The following GRIN2B variants were observed in gnomAD, a reference collection of about 807,000 sequenced individuals.
The protein encoded by GRIN2B is glutamate receptor ionotropic, NMDA 2B.
In GRIN2B, 5 loss-of-function variants were observed where a neutral mutation model predicts 114.5. The observed-to-expected ratio is 0.04, with a 90% CI of 0.02 to 0.09. The LOEUF is 0.09. GRIN2B is among the 10% of genes least tolerant of loss of function. GRIN2B has a pLI of 1.00. For synonymous variants in GRIN2B, 787 were observed against 745.1 expected, an observed-to-expected ratio of 1.06 and a Z score of -0.92; for missense variants, 1,108 against 1,943.5, an observed-to-expected ratio of 0.57 and a Z score of 8.08.
intron 2 of GRIN2B, among the ~76,000 whole-genome samples, chr12:13,971,326 T>C (rs1862908100): frequency 6.6e-6 from 1 of 152,244 alleles, no homozygotes. Context: ...TTCATAAATC[T>C]GGGTTTTTTC....
At chr12:13,795,219 T>C (rs1864396833) in intron 3 of GRIN2B, among the ~76,000 whole-genome samples, 1 of 152,176 alleles carries the variant, frequency 6.6e-6, no homozygotes, top group East Asian at 1.9e-4. Context: ...CAACATTTAG[T>C]GGATAATAAG....
chr12:13,607,256 TTATATATAA>T (rs1949272163), intron 10 of GRIN2B, among the ~76,000 whole-genome samples: 7 of 70,660 alleles, frequency 9.9e-5, no homozygotes, highest in African/African-American at 4.6e-4. Context: ...AAAATATATA[TTATATATAA>T]TATATAAAAT....
At chr12:13,711,334 T>C (rs1383513793) in intron 4 of GRIN2B, among the ~76,000 whole-genome samples, 1 of 152,078 alleles carries the variant, frequency 6.6e-6, no homozygotes, top group Non-Finnish European at 1.5e-5. Flanking sequence ...ACTTCATGTC[T>C]AAAACACCAA....
rs557718480 is a variant in GRIN2B, at chr12:13,576,528, C to A, written c.2011-4564G>T. On this transcript the variant is annotated intron_variant, in intron 10 of 13. Transcript: ENST00000609686. ...TCAAAGTAGGGAAATGTGTATAGTA[C>A]TCTTTATTTTCTTTTTTCTTTTTTC... Among the ~76,000 whole-genome samples the A allele has an allele frequency of 6.0e-5, 9 of 150,950 alleles. No homozygotes were observed. In the East Asian group the frequency reaches 1.8e-3, roughly 30 times the overall value.
intron 4 of GRIN2B, among the ~76,000 whole-genome samples, chr12:13,719,521 C>G (rs1950489129): frequency 6.6e-6 from 1 of 151,944 alleles, no homozygotes; most frequent in South Asian, 2.1e-4. Flanking sequence ...ATGGTGGTAA[C>G]ACTGATTACC....
rs201459960 is a variant in GRIN2B, at chr12:13,758,297, C to CT, written c.412-4383dup. 3.3e-5 allele frequency among the ~76,000 whole-genome samples: 5 copies of CT among 152,308 alleles called. No individual in the cohort carries two copies. In the East Asian group the frequency reaches 7.7e-4, roughly 24 times the overall value. On this transcript the variant is annotated intron_variant, in intron 3 of 13. Coordinates refer to ENST00000609686, the MANE Select transcript of GRIN2B (RefSeq NM_000834.5). ...TCAAAAGCACCCCCTAATAAACCCC[C>CT]TGCACACTAACCTCAGGCTCAGAGT...
chr12:13,853,234 A>G (rs987682018), intron 3 of GRIN2B, among the ~76,000 whole-genome samples: 2 of 152,200 alleles, frequency 1.3e-5, no homozygotes, highest in Non-Finnish European at 2.9e-5. Flanking sequence ...CTGTCAGTCA[A>G]TGCTCCATGA....
At chr12:13,575,673 C>A (rs11055529) in intron 10 of GRIN2B, among the ~76,000 whole-genome samples, 1 of 147,640 alleles carries the variant, frequency 6.8e-6, no homozygotes, top group Non-Finnish European at 1.5e-5. Flanking sequence ...ATGATAACAA[C>A]AATAATAATA....
rs1425325795 is a variant in GRIN2B, at chr12:13,547,979, A to ATTTTTTTTTTTTTTT, written c.*14803_*14804insAAAAAAAAAAAAAAA. On this transcript the variant is annotated 3_prime_UTR_variant, in exon 14 of 14. Transcript: ENST00000609686. ...TGTGTGTATATATATATATATATAT[A>ATTTTTTTTTTTTTTT]TATTTTTTTTTTTTTTCTGAAAGCT... 1.7e-5 allele frequency: 1 copy of ATTTTTTTTTTTTTTT among 59,562 alleles called. No individual in the cohort carries two copies. Among genetic ancestry groups the ATTTTTTTTTTTTTTT allele is most frequent in the Non-Finnish European group, 3.7e-5 (1 of 27,346 alleles). The allele number at this position is 59,562 out of a possible 1,614,324, so 3.7% of individuals were successfully genotyped here.
Position 13,563,803 on chromosome 12 carries a change from G to C in GRIN2B, c.3435C>G (p.His1145Gln). The C allele has an allele frequency of 6.2e-7, 1 of 1,613,472 alleles. No homozygotes were observed. Among genetic ancestry groups the C allele is most frequent in the Non-Finnish European group, 8.5e-7 (1 of 1,179,808 alleles). ...DQFRTKENSP[H>Q]WEHVDLTDIY... is the part of the protein sequence containing the mutation. ...TGTCGGTCAGGTCTACGTGCTCCCAGTGGGGTGAGTTCTCCTTTGTTCGGA... is the reference window on the plus strand; with the variant it reads ...TGTCGGTCAGGTCTACGTGCTCCCACTGGGGTGAGTTCTCCTTTGTTCGGA... Residue 1145 changes from histidine (H) to glutamine (Q), a missense_variant, in exon 14 of 14, where the codon CAC becomes CAG. Coordinates refer to ENST00000609686, the MANE Select transcript of GRIN2B (RefSeq NM_000834.5).
chr12:13,673,515 T>C (rs115215062), intron 5 of GRIN2B, among the ~76,000 whole-genome samples: 2,352 of 152,246 alleles, frequency 0.015, 51 homozygotes, highest in African/African-American at 0.053. Flanking sequence ...TATTTTGGAC[T>C]AATCTGAAGG....
At chr12:13,929,454 A>G (rs1464254264) in intron 2 of GRIN2B, among the ~76,000 whole-genome samples, 1 of 152,200 alleles carries the variant, frequency 6.6e-6, no homozygotes, top group Non-Finnish European at 1.5e-5. Flanking sequence ...CCCTAACAAC[A>G]TAGTCTCAGC....
chr12:13,696,292 G>T (rs1950258334), intron 4 of GRIN2B, among the ~76,000 whole-genome samples: 1 of 152,142 alleles, frequency 6.6e-6, no homozygotes, highest in Non-Finnish European at 1.5e-5. Context: ...GTAACAAAAG[G>T]TGTGTAACTA....
intron 3 of GRIN2B, among the ~76,000 whole-genome samples, chr12:13,789,682 A>G (rs1864285074): frequency 6.6e-6 from 1 of 152,180 alleles, no homozygotes; most frequent in Non-Finnish European, 1.5e-5. Context: ...TATGCATCAG[A>G]GTTGGGTAAA....
chr12:13,734,835 A>C (rs1422939322), intron 4 of GRIN2B, among the ~76,000 whole-genome samples: 2 of 152,198 alleles, frequency 1.3e-5, no homozygotes, highest in Non-Finnish European at 2.9e-5. Flanking sequence ...CTTAAAGGAC[A>C]CCTATGTCCT....
chr12:13,629,722 T>G (rs963996128), intron 5 of GRIN2B, among the ~76,000 whole-genome samples: 24 of 152,088 alleles, frequency 1.6e-4, no homozygotes, highest in African/African-American at 5.8e-4. Context: ...CCTTTGTTTC[T>G]TTTTTGGCTT....
At chr12:13,944,465 A>G (rs1174545560) in intron 2 of GRIN2B, among the ~76,000 whole-genome samples, 3 of 152,118 alleles carry the variant, frequency 2.0e-5, no homozygotes, top group African/African-American at 4.8e-5. Flanking sequence ...CCTGCTGTCC[A>G]CCTCTTGCTC....
intron 2 of GRIN2B, among the ~76,000 whole-genome samples, chr12:13,880,314 G>A (rs780781343): frequency 2.0e-5 from 3 of 152,212 alleles, no homozygotes; most frequent in Non-Finnish European, 2.9e-5. Context: ...TGAGAACAGC[G>A]TGGCCTGGCC....
At chr12:13,589,525 A>T (rs1948976666) in intron 10 of GRIN2B, among the ~76,000 whole-genome samples, 1 of 152,220 alleles carries the variant, frequency 6.6e-6, no homozygotes. Context: ...AAGATCAGAG[A>T]TTATGTTTAT....
Sources: allele counts gnomAD v4.1 joint callset (sites outside exome capture counted in the v4.1 genomes callset), GRCh38; gene constraint gnomAD v4.1.1; transcripts MANE v1.5; gene names NCBI Gene and HGNC (gene_info 2026-07-23, HGNC 2026-07-21).